MINDY4B: variants seen among roughly 807,000 people sequenced by gnomAD.
The protein encoded by MINDY4B is MINDY family member 4B.
In MINDY4B, 25 loss-of-function variants were observed where a neutral mutation model predicts 16.7. That is an observed-to-expected ratio of 1.49 (90% CI 1.09 to 2.09). The LOEUF (loss-of-function observed/expected upper bound fraction) is 2.09. Among genes scored for constraint, MINDY4B ranks in the 30% most tolerant of loss-of-function variants. MINDY4B has a pLI of 0.00. For synonymous variants in MINDY4B, 132 were observed against 61.9 expected (o/e 2.13, Z -5.32); for missense variants, 327 against 168.4 (o/e 1.94, Z -5.21).
intron 10 of MINDY4B, 135 bp from the exon 11 acceptor site, chr3:150,873,502 G>A: frequency 1.8e-6 from 1 of 551,564 alleles, no homozygotes; most frequent in Non-Finnish European, 3.2e-6. Context: ...ACTGTACATA[G>A]AGCAAGATTT....
intron 10 of MINDY4B, among the ~76,000 whole-genome samples, chr3:150,875,370 G>A (rs1711496007): frequency 6.6e-6 from 1 of 152,174 alleles, no homozygotes; most frequent in Non-Finnish European, 1.5e-5. Context: ...GAGATTGAGA[G>A]CTGTTTGTAG....
At chr3:150,897,679 C>A (rs1712013486) in intron 3 of MINDY4B, among the ~76,000 whole-genome samples, 1 of 152,210 alleles carries the variant, frequency 6.6e-6, no homozygotes, top group African/African-American at 2.4e-5. Context: ...ATCTCTACTT[C>A]CACCCTCAAA....
intron 7 of MINDY4B, among the ~76,000 whole-genome samples, chr3:150,886,092 AG>A (rs1434309891): frequency 3.3e-5 from 5 of 152,216 alleles, no homozygotes; most frequent in Admixed American, 3.3e-4. Flanking sequence ...TTTCTTGGAC[AG>A]GTTTCTTTTC....
At chr3:150,883,462 G>A (rs925493351) in intron 9 of MINDY4B, among the ~76,000 whole-genome samples, 2 of 152,090 alleles carry the variant, frequency 1.3e-5, no homozygotes. Context: ...AAGGCTCTCG[G>A]AGGTAAACTA....
intron 10 of MINDY4B, among the ~76,000 whole-genome samples, chr3:150,877,440 A>G (rs1377762772): frequency 6.6e-6 from 1 of 152,190 alleles, no homozygotes; most frequent in Admixed American, 6.5e-5. Flanking sequence ...TACTTAGAGC[A>G]CTGTCCCAGA....
chr3:150,899,845 G>T (rs894710844), intron 3 of MINDY4B, among the ~76,000 whole-genome samples: 3 of 152,132 alleles, frequency 2.0e-5, no homozygotes, highest in Non-Finnish European at 4.4e-5. Flanking sequence ...AGACCTTATG[G>T]GGGGACACCC....
intron 3 of MINDY4B, 90 bp from the exon 4 acceptor site, chr3:150,894,395 G>A (rs1711905332): frequency 1.7e-6 from 1 of 594,466 alleles, no homozygotes; most frequent in South Asian, 2.1e-5. Context: ...TCAAGGAGGT[G>A]GGCCTCGTTC....
chr3:150,902,393 A>G (rs1232479578), intron 3 of MINDY4B, among the ~76,000 whole-genome samples: 1 of 152,140 alleles, frequency 6.6e-6, no homozygotes, highest in Non-Finnish European at 1.5e-5. Context: ...TGATGGGGAA[A>G]TTGTCTTGAG....
chr3:150,890,887 C>A (rs1212296098), intron 6 of MINDY4B, 51 bp downstream of exon 6: 3 of 693,942 alleles, frequency 4.3e-6, no homozygotes, highest in Non-Finnish European at 2.6e-6. Flanking sequence ...CTATTACATG[C>A]TCAGGCTTCA....
In MINDY4B at chr3:150,903,170, C is replaced by A. The variant is rs559795640; in HGVS notation, c.309+79G>T. 7 of 397,736 alleles carry A rather than the reference C, an allele frequency of 1.8e-5. No homozygotes were observed. In the South Asian group the frequency reaches 9.4e-4, roughly 54 times the overall value. The allele number at this position is 397,736 out of a possible 1,614,324, so 24.6% of individuals were successfully genotyped here. On this transcript the variant is annotated intron_variant, in intron 3 of 11. Coordinates refer to ENST00000465419, the MANE Select transcript of MINDY4B (RefSeq NM_001351281.2). The stretch of plus-strand genomic sequence containing the variant: ...TTATCTTCAATATACTCTCACATGG[C>A]AGGAGATAAGATTCCCCAGCCTTGT...
chr3:150,897,321 C>CTGTG (rs3062408), intron 3 of MINDY4B, among the ~76,000 whole-genome samples: 4,027 of 130,558 alleles, frequency 0.031, 105 homozygotes, highest in African/African-American at 0.057. Flanking sequence ...GTGACTGGAA[C>CTGTG]TGTGTGTGTG....
intron 3 of MINDY4B, among the ~76,000 whole-genome samples, chr3:150,894,623 CACTCCAGAA>C (rs1185597745): frequency 6.6e-6 from 1 of 152,124 alleles, no homozygotes; most frequent in Admixed American, 6.5e-5. Context: ...TTTTGTCTCT[CACTCCAGAA>C]AAAAGGAACA....
intron 7 of MINDY4B, among the ~76,000 whole-genome samples, chr3:150,886,796 C>A (rs940301190): frequency 1.3e-5 from 2 of 152,136 alleles, no homozygotes; most frequent in African/African-American, 4.8e-5. Flanking sequence ...TATAAAGACC[C>A]TTTTGATTAA....
chr3:150,904,044 T>C (rs1409163217), intron 2 of MINDY4B, among the ~76,000 whole-genome samples: 1 of 152,244 alleles, frequency 6.6e-6, no homozygotes, highest in Admixed American at 6.5e-5. Flanking sequence ...TATTGGTGGC[T>C]GAAACATGAG....
chr3:150,894,215 CAGA>C lies in MINDY4B; in HGVS notation c.397_399del (p.Ser133del), dbSNP rs1431839410. On this transcript the variant is annotated inframe_deletion, in exon 4 of 12. Transcript: ENST00000465419. Reference sequence around the variant, plus strand: ...CCCACTTCCAGAGTGAAAGCTAGTTCAGAAGAAGGATCATGGAACCTGAAATAG... The same window carrying C: ...CCCACTTCCAGAGTGAAAGCTAGTTCAGAAGGATCATGGAACCTGAAATAG... The C allele has an allele frequency of 2.9e-6, 2 of 700,284 alleles. No homozygotes were observed. Among genetic ancestry groups the C allele is most frequent in the South Asian group, 1.5e-5 (1 of 66,892 alleles). The allele number at this position is 700,284 out of a possible 1,614,324, so 43.4% of individuals were successfully genotyped here.
intron 11 of MINDY4B, among the ~76,000 whole-genome samples, chr3:150,871,855 A>G (rs1165621459): frequency 6.6e-6 from 1 of 152,068 alleles, no homozygotes; most frequent in Admixed American, 6.5e-5. Flanking sequence ...CAACCAACCA[A>G]CCAACCGACC....
At chr3:150,889,839 G>T (rs1711720290) in intron 7 of MINDY4B, among the ~76,000 whole-genome samples, 1 of 152,166 alleles carries the variant, frequency 6.6e-6, no homozygotes, top group South Asian at 2.1e-4. Context: ...TCCACCCTGG[G>T]GGTAGGGAAG....
intron 5 of MINDY4B, 155 bp from the exon 6 acceptor site, chr3:150,891,258 T>C: frequency 1.7e-6 from 1 of 601,106 alleles, no homozygotes; most frequent in Non-Finnish European, 3.0e-6. Flanking sequence ...GCCCTTGACT[T>C]TTATACTGCA....
At chr3:150,896,377 C>T (rs1201931213) in intron 3 of MINDY4B, among the ~76,000 whole-genome samples, 1 of 151,996 alleles carries the variant, frequency 6.6e-6, no homozygotes, top group Non-Finnish European at 1.5e-5. Context: ...TCAGGTAAAT[C>T]AGGGATTTAT....
Sources: gnomAD v4.1 joint callset for allele counts (sites outside exome capture counted in the v4.1 genomes callset) on GRCh38, gnomAD v4.1.1 for gene constraint, MANE v1.5 for transcripts, NCBI Gene and HGNC (gene_info 2026-07-23, HGNC 2026-07-21) for gene names.